Variants in VPS13D observed in about 807,000 individuals in gnomAD.
The protein encoded by VPS13D is intermembrane lipid transfer protein VPS13D.
In VPS13D, 187 loss-of-function variants were observed where a neutral mutation model predicts 461.9. The observed-to-expected ratio is 0.40, with a 90% confidence interval of 0.36 to 0.46. The LOEUF (loss-of-function observed/expected upper bound fraction) is 0.46. Among genes scored for constraint, VPS13D ranks in the 20% least tolerant of loss-of-function variants. The pLI, the probability that VPS13D is intolerant of heterozygous loss-of-function variation, is 0.60. For synonymous variants in VPS13D, 1,951 were observed against 1,986.3 expected (o/e 0.98, Z 0.47); for missense variants, 4,711 against 5,364.9 (o/e 0.88, Z 3.81).
Position 12,358,452 on chromosome 1 carries a change from C to A in VPS13D, c.9999-7C>A. On this transcript the variant is annotated splice_region_variant and splice_polypyrimidine_tract_variant and intron_variant, in intron 49 of 69. Transcript: ENST00000620676. ...AATATCTACATCTTTGCTTTTCTGC[C>A]CCACAGCTGCACGATGAGAATCGGA... 6.2e-7 allele frequency: 1 copy of A among 1,613,688 alleles called. No individual in the cohort carries two copies. The highest frequency in any genetic ancestry group is 8.5e-7 in the Non-Finnish European group (1 of 1,179,856).
chr1:12,254,787 G>A (rs1021151533), intron 7 of VPS13D, among the ~76,000 whole-genome samples: 12 of 151,364 alleles, frequency 7.9e-5, no homozygotes, highest in East Asian at 2.0e-4. Flanking sequence ...CTTGGCCTCC[G>A]AAAGTGCTGG....
intron 2 of VPS13D, 25 bp from the exon 3 acceptor site, chr1:12,242,488 T>C (rs1640411792): frequency 1.2e-6 from 2 of 1,605,086 alleles, no homozygotes; most frequent in African/African-American, 2.7e-5. Context: ...AAATGGATAT[T>C]TCATGATGCT....
intron 68 of VPS13D, among the ~76,000 whole-genome samples, chr1:12,504,151 A>AT (rs927533993): frequency 2.6e-5 from 4 of 152,154 alleles, no homozygotes; most frequent in African/African-American, 9.7e-5. Flanking sequence ...TGTAAAAAAA[A>AT]GAAAAAGAAA....
In VPS13D at chr1:12,369,548, GC is replaced by G; in HGVS notation, c.10656del (p.Trp3553GlyfsTer12). 1 of 1,614,144 alleles carries G rather than the reference GC, an allele frequency of 6.2e-7. No homozygotes were observed. The highest frequency in any genetic ancestry group is 8.5e-7 in the Non-Finnish European group (1 of 1,180,044). The stretch of plus-strand genomic sequence containing the variant: ...GAAGCCCATGACTTCATTGGATTAT[GC>G]CTGGGACGAACCCACCTTGCCACCT... ...EVKPMTSLDY[A>X]WDEPTLPPFI... On this transcript the variant is annotated frameshift_variant, in exon 54 of 70. Transcript: ENST00000620676. LOFTEE classifies it high-confidence loss of function.
At chr1:12,313,241 C>T (rs1229260730) in intron 29 of VPS13D, among the ~76,000 whole-genome samples, 1 of 151,116 alleles carries the variant, frequency 6.6e-6, no homozygotes, top group Non-Finnish European at 1.5e-5. Flanking sequence ...GAGAGCGTTG[C>T]ATACTGAAAC....
At chr1:12,257,109 C>T in intron 9 of VPS13D, 22 bp downstream of exon 9, 1 of 1,595,076 alleles carries the variant, frequency 6.3e-7, no homozygotes, top group Non-Finnish European at 8.6e-7. Flanking sequence ...TCAGTGTGGT[C>T]ATGAAATTCA....
At chr1:12,287,136 C>T (rs1220693207) in intron 21 of VPS13D, among the ~76,000 whole-genome samples, 1 of 152,162 alleles carries the variant, frequency 6.6e-6, no homozygotes, top group Non-Finnish European at 1.5e-5. Context: ...GCTGGGATTA[C>T]AGGTGTGAGC....
chr1:12,304,408 C>G, intron 25 of VPS13D, 98 bp from the exon 26 acceptor site: 1 of 1,119,766 alleles, frequency 8.9e-7, no homozygotes, highest in Non-Finnish European at 1.3e-6. Flanking sequence ...ACCCTAGGGA[C>G]TGGGATAGGA....
Position 12,355,946 on chromosome 1 carries a change from C to A in VPS13D, c.9727C>A (p.Pro3243Thr). ...CCTCTGTAAAGAATTGCTCATTCCA[C>A]CTGGAACCCAAAACTATATGGTGAG... is the stretch of plus-strand genomic sequence containing the variant. ...FPLCKELLIP[P>T]GTQNYMVRMR... Residue 3243 changes from proline (P) to threonine (T), a missense_variant, in exon 48 of 70, where the codon CCT becomes ACT. Coordinates refer to ENST00000620676, the MANE Select transcript of VPS13D (RefSeq NM_015378.4). 6.2e-7 allele frequency: 1 copy of A among 1,611,388 alleles called. No homozygotes were observed. Among genetic ancestry groups the A allele is most frequent in the Non-Finnish European group, 8.5e-7 (1 of 1,178,244 alleles).
At chr1:12,370,610 T>G in intron 54 of VPS13D, among the ~76,000 whole-genome samples, 1 of 152,232 alleles carries the variant, frequency 6.6e-6, no homozygotes, top group East Asian at 1.9e-4. Flanking sequence ...ATTCTTTCTT[T>G]GTCTGTTGAC....
intron 30 of VPS13D, 56 bp downstream of exon 30, chr1:12,314,383 C>A: frequency 6.4e-7 from 1 of 1,560,038 alleles, no homozygotes; most frequent in South Asian, 1.1e-5. Context: ...CCTTTTGGGT[C>A]ACGTCTTTGT....
intron 26 of VPS13D, 52 bp downstream of exon 26, chr1:12,304,780 C>T (rs778609368): frequency 1.1e-5 from 17 of 1,578,508 alleles, no homozygotes; most frequent in Non-Finnish European, 1.4e-5. Context: ...ATTCACAGGA[C>T]TGTTGAGGAA....
intron 60 of VPS13D, among the ~76,000 whole-genome samples, chr1:12,398,627 C>T (rs1281454140): frequency 1.3e-5 from 2 of 152,134 alleles, no homozygotes; most frequent in Non-Finnish European, 2.9e-5. Context: ...CTGCAAGGAG[C>T]CTCTAGACAT....
At chr1:12,258,474 A>G (rs1041473700) in intron 10 of VPS13D, among the ~76,000 whole-genome samples, 3 of 152,214 alleles carry the variant, frequency 2.0e-5, no homozygotes, top group Admixed American at 6.5e-5. Flanking sequence ...ACTTTGGCCT[A>G]CGTTTTCTAT....
intron 65 of VPS13D, among the ~76,000 whole-genome samples, chr1:12,419,827 G>T (rs940597007): frequency 6.6e-6 from 1 of 152,116 alleles, no homozygotes; most frequent in Non-Finnish European, 1.5e-5. Context: ...ATTTTACTAG[G>T]TGATTTCATT....
chr1:12,494,757 C>CA (rs1428779802), intron 67 of VPS13D, among the ~76,000 whole-genome samples: 1 of 152,222 alleles, frequency 6.6e-6, no homozygotes, highest in Admixed American at 6.5e-5. Context: ...GTGGGGCAGA[C>CA]AGAGACAGCC....
intron 65 of VPS13D, among the ~76,000 whole-genome samples, chr1:12,417,092 C>T (rs1644803101): frequency 6.6e-6 from 1 of 152,144 alleles, no homozygotes; most frequent in Non-Finnish European, 1.5e-5. Context: ...ACTGCAATAG[C>T]CCCCAGCACC....
chr1:12,320,762 G>GA (rs1316369763), intron 32 of VPS13D, among the ~76,000 whole-genome samples: 1 of 152,122 alleles, frequency 6.6e-6, no homozygotes, highest in African/African-American at 2.4e-5. Flanking sequence ...ACCCCTGAAG[G>GA]AAAAAGGAAA....
chr1:12,240,873 A>G (rs1206524871), intron 2 of VPS13D, among the ~76,000 whole-genome samples: 1 of 151,970 alleles, frequency 6.6e-6, no homozygotes, highest in Admixed American at 6.5e-5. Flanking sequence ...AAAAATCAAC[A>G]AATAAATTGA....
Sources: allele counts gnomAD v4.1 joint callset (sites outside exome capture counted in the v4.1 genomes callset), GRCh38; gene constraint gnomAD v4.1.1; transcripts MANE v1.5; gene names NCBI Gene and HGNC (gene_info 2026-07-23, HGNC 2026-07-21).